UCK1: variants seen among roughly 807,000 people sequenced by gnomAD.
UCK1 encodes the protein uridine-cytidine kinase 1, also known as cytidine monophosphokinase 1.
A neutral mutation model predicts 34.0 loss-of-function variants in UCK1; 20 were observed. The ratio of observed to expected loss-of-function variants is 0.59; its 90% CI spans 0.41 to 0.86. The LOEUF (loss-of-function observed/expected upper bound fraction) is 0.86, where lower values mean the gene tolerates loss of function less well. UCK1 is among the 40% of genes least tolerant of loss of function. UCK1 has a pLI of 0.00. For synonymous variants in UCK1, 168 were observed against 155.9 expected, an observed-to-expected ratio of 1.08 and a Z score of -0.58; for missense variants, 343 against 383.6, an observed-to-expected ratio of 0.89 and a Z score of 0.88.
intron 5 of UCK1, among the ~76,000 whole-genome samples, chr9:131,527,221 A>G (rs1490408318): frequency 6.6e-6 from 1 of 151,566 alleles, no homozygotes; most frequent in East Asian, 1.9e-4. Context: ...CTGGCTACTC[A>G]GGAGCCTGAG....
intron 5 of UCK1, among the ~76,000 whole-genome samples, chr9:131,528,599 T>C (rs932603710): frequency 2.6e-5 from 4 of 152,098 alleles, no homozygotes; most frequent in Admixed American, 6.5e-5. Context: ...TGTCAGATGA[T>C]GGTAAGTGCC....
chr9:131,527,685 T>C (rs946004984), intron 5 of UCK1, among the ~76,000 whole-genome samples: 31 of 151,798 alleles, frequency 2.0e-4, no homozygotes, highest in African/African-American at 7.3e-4. Flanking sequence ...GAGACCAGCC[T>C]GGGCAACACA....
At chr9:131,526,472 A>G (rs1950608466) in intron 5 of UCK1, 5 of 1,289,926 alleles carry the variant, frequency 3.9e-6, no homozygotes, top group Non-Finnish European at 5.1e-6. Flanking sequence ...CATTGGCTCA[A>G]TGCTGACTCT....
chr9:131,529,107 G>A (rs529287219), intron 4 of UCK1, 21 bp downstream of exon 4: 7 of 1,613,296 alleles, frequency 4.3e-6, no homozygotes, highest in Middle Eastern at 1.6e-4. Context: ...AGGCAGGCAC[G>A]GAGGCCCGCG....
chr9:131,529,265 G>A lies in UCK1; in HGVS notation c.371C>T (p.Pro124Leu), dbSNP rs1167206414. The A allele has an allele frequency of 6.2e-6, 10 of 1,614,006 alleles. No individual in the cohort carries two copies. The highest frequency in any genetic ancestry group is 1.7e-5 in the Admixed American group (1 of 60,002). Reference sequence around the variant, plus strand: ...CGCAGGGTAGACCACCGTGGTCTCTGGTAACCTGAGGGGCGCACGGGGAAA... The same window carrying A: ...CGCAGGGTAGACCACCGTGGTCTCTAGTAACCTGAGGGGCGCACGGGGAAA... ...TYDFVTHSRL[P>L]ETTVVYPADV... Residue 124 changes from proline to leucine, a missense_variant, in exon 4 of 7, where the codon CCA (proline) becomes CTA (leucine). Transcript: ENST00000372215.
chr9:131,529,220 C>T lies in UCK1; in HGVS notation c.416G>A (p.Gly139Asp). ...VYPADVVLFEGILVFYSQEIR... is the reference protein window; with the variant it reads ...VYPADVVLFEDILVFYSQEIR... ...CTCCTGGCTGTAGAACACCAAGATG[C>T]CCTCAAACAGAACCACGTCCGCAGG... Residue 139 changes from glycine to aspartate, a missense_variant, in exon 4 of 7, where the codon GGC (glycine) becomes GAC (aspartate). Transcript: ENST00000372215. The T allele has an allele frequency of 1.2e-5, 20 of 1,614,162 alleles. No homozygotes were observed. Among genetic ancestry groups the T allele is most frequent in the Non-Finnish European group, 1.6e-5 (19 of 1,180,038 alleles).
chr9:131,530,113 T>C (rs1564408943), intron 2 of UCK1, among the ~76,000 whole-genome samples: 1 of 152,180 alleles, frequency 6.6e-6, no homozygotes, highest in Non-Finnish European at 1.5e-5. Context: ...TCTGAGGACT[T>C]TGCCCCAAAG....
chr9:131,529,171 G>A lies in UCK1; in HGVS notation c.465C>T (p.Arg155=), dbSNP rs780122159. 3.7e-6 allele frequency: 6 copies of A among 1,613,924 alleles called. No homozygotes were observed. The South Asian group carries it at 4.4e-5, about 12-fold the overall frequency. The part of the protein sequence containing the change: ...SQEIRDMFHL[R]LFVDTDSDVR... ...CGTCGGAGTCGGTGTCCACGAAGAG[G>A]CGCAGGTGGAACATGTCCCGGATCT... The change falls in exon 4 of 7, where the codon CGC becomes CGT. Residue 155 remains arginine (R), a synonymous_variant. Coordinates refer to ENST00000372215, the MANE Select transcript of UCK1 (RefSeq NM_031432.5).
intron 3 of UCK1, 57 bp from the exon 4 acceptor site, chr9:131,529,327 C>A (rs1293366317): frequency 1.2e-6 from 2 of 1,609,662 alleles, no homozygotes; most frequent in East Asian, 2.2e-5. Flanking sequence ...CCAGGCCACA[C>A]ACACAGTCAG....
chr9:131,528,278 A>G lies in UCK1; in HGVS notation c.603+666T>C, dbSNP rs192537810. 2.0e-5 allele frequency among the ~76,000 whole-genome samples: 3 copies of G among 152,320 alleles called. No homozygotes were observed. The East Asian group carries it at 5.8e-4, about 29-fold the overall frequency. On this transcript the variant is annotated intron_variant, in intron 5 of 6. Coordinates refer to ENST00000372215, the MANE Select transcript of UCK1 (RefSeq NM_031432.5). ...CTGTATTTTTACCTTAACAGGCAAA[A>G]TGTTCCCGTGCAAAACACTCCCATT...
intron 5 of UCK1, 145 bp from the exon 6 acceptor site, chr9:131,526,122 C>T: frequency 1.1e-6 from 1 of 920,654 alleles, no homozygotes; most frequent in South Asian, 1.4e-5. Context: ...GGGACACAGA[C>T]TCAGTCATCA....
intron 1 of UCK1, 152 bp downstream of exon 1, chr9:131,530,915 C>T (rs1950817863): frequency 2.2e-6 from 2 of 919,170 alleles, no homozygotes; most frequent in Non-Finnish European, 1.5e-6. Flanking sequence ...CCCCAGCCCG[C>T]CCCGGCCCAT....
chr9:131,526,591 T>A (rs1950613479), intron 5 of UCK1: 1 of 1,157,002 alleles, frequency 8.6e-7, no homozygotes, highest in Non-Finnish European at 1.1e-6. Context: ...GGTTGGGGGG[T>A]GGCTTTAGGG....
chr9:131,529,596 G>A lies in UCK1; in HGVS notation c.269-12C>T, dbSNP rs755459582. 6 of 1,613,762 alleles carry A rather than the reference G, an allele frequency of 3.7e-6. No individual in the cohort carries two copies. The highest frequency in any genetic ancestry group is 5.1e-6 in the Non-Finnish European group (6 of 1,179,854). On this transcript the variant is annotated splice_polypyrimidine_tract_variant and intron_variant, in intron 2 of 6. Coordinates refer to ENST00000372215, the MANE Select transcript of UCK1 (RefSeq NM_031432.5). Reference sequence around the variant, plus strand: ...ATTATCAAAGGCATCTGCAGGGTTGGAGACAAAGGCAAGACAGGCAGATGC... The same window carrying A: ...ATTATCAAAGGCATCTGCAGGGTTGAAGACAAAGGCAAGACAGGCAGATGC...
intron 5 of UCK1, chr9:131,526,652 G>A (rs772049737): frequency 8.2e-6 from 5 of 607,322 alleles, no homozygotes; most frequent in Non-Finnish European, 1.1e-5. Context: ...GCTGAGGGAA[G>A]AGGGAGGGCA....
rs1362809367 is a variant in UCK1, at chr9:131,524,407, C to CTT, written c.*631_*632dup. ...CAGGGCATCCGCCTCGCTTCTCTGC[C>CTT]TTTAAGGCACAAGCAAGGGGGGAAA... On this transcript the variant is annotated 3_prime_UTR_variant, in exon 7 of 7. Coordinates refer to ENST00000372215, the MANE Select transcript of UCK1 (RefSeq NM_031432.5). 1 of 152,332 alleles carries CTT rather than the reference C, an allele frequency of 6.6e-6. No individual in the cohort carries two copies. The highest frequency in any genetic ancestry group is 1.5e-5 in the Non-Finnish European group (1 of 68,112). 9.4% of individuals were successfully genotyped at this position (152,332 alleles called of 1,614,324 possible). A position where few individuals can be genotyped will look rare whatever the true frequency, so the allele number is the denominator to read the frequency against.
At chr9:131,528,316 C>T (rs1024578401) in intron 5 of UCK1, among the ~76,000 whole-genome samples, 3 of 152,312 alleles carry the variant, frequency 2.0e-5, no homozygotes, top group East Asian at 3.9e-4. Context: ...AGTAGAGCCA[C>T]GAGTCCCACC....
Position 131,524,813 on chromosome 9 carries a change from C to T in UCK1, c.*227G>A, listed in dbSNP as rs547209973. On this transcript the variant is annotated 3_prime_UTR_variant, in exon 7 of 7. Coordinates refer to ENST00000372215, the MANE Select transcript of UCK1 (RefSeq NM_031432.5). ...CAGTGACCTAGAGGGATCTTTAAAC[C>T]GCAACGAGCCTAAGTGGCTGAAAAC... 33 of 533,042 alleles carry T rather than the reference C, an allele frequency of 6.2e-5. No homozygotes were observed. Among genetic ancestry groups the T allele is most frequent in the East Asian group, 5.2e-4 (16 of 30,998 alleles). The allele number at this position is 533,042 out of a possible 1,614,324, so 33.0% of individuals were successfully genotyped here.
intron 1 of UCK1, 107 bp downstream of exon 1, chr9:131,530,960 C>G: frequency 9.3e-7 from 1 of 1,078,842 alleles, no homozygotes; most frequent in Non-Finnish European, 1.2e-6. Flanking sequence ...CGCGCCCTGC[C>G]CCTGCCTGGC....
Sources: allele counts gnomAD v4.1 joint callset (sites outside exome capture counted in the v4.1 genomes callset), GRCh38; gene constraint gnomAD v4.1.1; transcripts MANE v1.5; gene names NCBI Gene and HGNC (gene_info 2026-07-23, HGNC 2026-07-21).